CEP350: variants seen among roughly 807,000 people sequenced by gnomAD.
The protein encoded by CEP350 is centrosome-associated protein 350.
In CEP350, 126 loss-of-function variants were observed where a neutral mutation model predicts 331.8. That is an observed-to-expected ratio of 0.38 (90% CI 0.33 to 0.44). The LOEUF (loss-of-function observed/expected upper bound fraction) is 0.44, where lower values mean the gene tolerates loss of function less well. Ranked by LOEUF, CEP350 falls within the 20% of genes least tolerant of loss-of-function variation. The probability of loss-of-function intolerance (pLI) is 1.00; values close to 1 mark genes in which losing one functional copy is unlikely to be tolerated. For synonymous variants in CEP350, 1,200 were observed against 1,259.5 expected, an observed-to-expected ratio of 0.95 and a Z score of 1.00; for missense variants, 3,406 against 3,634.6, an observed-to-expected ratio of 0.94 and a Z score of 1.62.
chr1:180,072,655 T>C (rs1458744367), intron 27 of CEP350, among the ~76,000 whole-genome samples: 2 of 152,208 alleles, frequency 1.3e-5, no homozygotes, highest in African/African-American at 4.8e-5. Flanking sequence ...TTTGCGTGTG[T>C]GTATGTGTGT....
chr1:179,959,897 C>G (rs771325716), intron 1 of CEP350, among the ~76,000 whole-genome samples: 1 of 152,176 alleles, frequency 6.6e-6, no homozygotes, highest in Non-Finnish European at 1.5e-5. Context: ...TAGGCTAGAT[C>G]AGTGTTTCTT....
intron 23 of CEP350, among the ~76,000 whole-genome samples, chr1:180,053,495 A>G (rs1197266189): frequency 6.6e-6 from 1 of 152,190 alleles, no homozygotes. Context: ...CTTGGTTAAG[A>G]GGAACAAATT....
Position 180,053,108 on chromosome 1 carries a change from A to C in CEP350, c.4931A>C (p.His1644Pro). 1 of 1,608,880 alleles carries C rather than the reference A, an allele frequency of 6.2e-7. No homozygotes were observed. The change falls in exon 23 of 38, where the codon CAT becomes CCT. Residue 1644 changes from histidine to proline, a missense_variant. His to Pro is a moderately conservative substitution (Grantham distance 77). Transcript: ENST00000367607. The part of the protein sequence containing the change: ...RRFNMEKRRG[H>P]HDDSDEEASP... ...TTTAACATGGAAAAGAGAAGAGGTC[A>C]TCATGATGACTCTGATGAAGAAGCT... is the stretch of plus-strand genomic sequence containing the variant.
At chr1:180,015,258 C>T (rs149448885) in intron 10 of CEP350, among the ~76,000 whole-genome samples, 18,111 of 144,264 alleles carry the variant, frequency 0.13, 1,166 homozygotes, top group South Asian at 0.17. Flanking sequence ...TTATTTGAGA[C>T]GGAGTCTCCC....
At chr1:180,045,208 G>A (rs533000612) in intron 21 of CEP350, among the ~76,000 whole-genome samples, 2 of 152,236 alleles carry the variant, frequency 1.3e-5, no homozygotes, top group South Asian at 4.2e-4. Flanking sequence ...CATGCGTGGT[G>A]GCGTGTGCCC....
At chr1:180,004,931 C>CTTTCTTTCTT (rs1654151171) in intron 7 of CEP350, among the ~76,000 whole-genome samples, 1 of 92,472 alleles carries the variant, frequency 1.1e-5, no homozygotes, top group Non-Finnish European at 2.7e-5. Context: ...TTCTTTCTTT[C>CTTTCTTTCTT]TTTCTTTCTT....
In CEP350 at chr1:180,062,081, A is replaced by T. The variant is rs898930315; in HGVS notation, c.5263-139A>T. The T allele has an allele frequency of 6.8e-6, 5 of 729,992 alleles. No homozygotes were observed. The African/African-American group carries it at 9.2e-5, about 13-fold the overall frequency. The allele number at this position is 729,992 out of a possible 1,614,324, so 45.2% of individuals were successfully genotyped here. A position where few individuals can be genotyped will look rare whatever the true frequency, so the allele number is the denominator to read the frequency against. ...TTATTTCCTCCCTCACTATTTTTTAAACTTTTCAGTATTACTACTTTTATT... is the reference window on the plus strand; with the variant it reads ...TTATTTCCTCCCTCACTATTTTTTATACTTTTCAGTATTACTACTTTTATT... On this transcript the variant is annotated intron_variant, in intron 25 of 37. Coordinates refer to ENST00000367607, the MANE Select transcript of CEP350 (RefSeq NM_014810.5).
At chr1:180,041,361 A>T (rs1228988980) in intron 18 of CEP350, 113 bp downstream of exon 18, 4 of 774,494 alleles carry the variant, frequency 5.2e-6, no homozygotes, top group Non-Finnish European at 8.1e-6. Context: ...TAAATAATAA[A>T]GTTTTAGTAC....
chr1:180,033,680 A>G (rs1331160990), intron 15 of CEP350, among the ~76,000 whole-genome samples, 182 bp from the exon 16 acceptor site: 1 of 152,178 alleles, frequency 6.6e-6, no homozygotes, highest in Non-Finnish European at 1.5e-5. Context: ...AATTCTAGCA[A>G]TTAGAGGAAT....
chr1:180,055,998 T>G (rs1657815559), intron 25 of CEP350, among the ~76,000 whole-genome samples: 1 of 152,164 alleles, frequency 6.6e-6, no homozygotes, highest in South Asian at 2.1e-4. Flanking sequence ...AAAATAAGAT[T>G]TATAAATTTA....
intron 1 of CEP350, among the ~76,000 whole-genome samples, chr1:179,974,937 G>A (rs1651746143): frequency 6.6e-6 from 1 of 152,076 alleles, no homozygotes; most frequent in Non-Finnish European, 1.5e-5. Flanking sequence ...GCTACAGTGA[G>A]CCATGATTGC....
intron 32 of CEP350, among the ~76,000 whole-genome samples, chr1:180,089,557 T>C (rs1660050592): frequency 6.9e-6 from 1 of 144,814 alleles, no homozygotes; most frequent in African/African-American, 2.6e-5. Flanking sequence ...CACCCCAGCC[T>C]GGGCAACAGA....
chr1:180,070,478 A>G (rs116675675), intron 27 of CEP350, among the ~76,000 whole-genome samples: 4,822 of 152,226 alleles, frequency 0.032, 112 homozygotes, highest in Middle Eastern at 0.058. Flanking sequence ...TCCAACGGAG[A>G]AAGAGTCATA....
chr1:179,987,264 C>T lies in CEP350; in HGVS notation c.98C>T (p.Ala33Val). 2 of 1,566,562 alleles carry T rather than the reference C, an allele frequency of 1.3e-6. No homozygotes were observed. The highest frequency in any genetic ancestry group is 1.7e-6 in the Non-Finnish European group (2 of 1,143,260). ...GCAGATATAACCACATCGTGGGATG[C>T]ACTTTCTCAAACCAAGGCTGCTGTA... ...VQADITTSWD[A>V]LSQTKAALRH... Residue 33 changes from alanine (A) to valine (V), a missense_variant, in exon 3 of 38, where the codon GCA becomes GTA. By Grantham distance (64) the Ala-to-Val change is moderately conservative. Around this residue, in one of 5 missense-constraint regions of CEP350, gnomAD observed 1,857 missense variants for 1,909.2 expected, o/e 0.97. Coordinates refer to ENST00000367607, the MANE Select transcript of CEP350 (RefSeq NM_014810.5).
rs796279133 is a variant in CEP350 at position 179,998,309 on chromosome 1, T to C, written c.1018+1134T>C. On this transcript the variant is annotated intron_variant, in intron 6 of 37. Coordinates refer to ENST00000367607, the MANE Select transcript of CEP350 (RefSeq NM_014810.5). Reference sequence around the variant, plus strand: ...AATTTGTTTCTTCTATTTTCTTTTTTTTTTTTTTTTTTTTTTTAAGACAGA... The same window carrying C: ...AATTTGTTTCTTCTATTTTCTTTTTCTTTTTTTTTTTTTTTTTAAGACAGA... Among the ~76,000 whole-genome samples, 228 of 143,884 alleles carry C rather than the reference T, an allele frequency of 1.6e-3. 4 individuals are homozygous for C. Among genetic ancestry groups the C allele is most frequent in the Middle Eastern group, 3.6e-3 (1 of 280 alleles). The allele number at this position is 143,884 out of a possible 152,430, so 94.4% of individuals were successfully genotyped here. A position where few individuals can be genotyped will look rare whatever the true frequency, so the allele number is the denominator to read the frequency against.
chr1:180,004,267 T>C (rs1008928014), intron 7 of CEP350, among the ~76,000 whole-genome samples: 5 of 152,226 alleles, frequency 3.3e-5, no homozygotes, highest in African/African-American at 1.2e-4. Context: ...CAAAAGACTT[T>C]GATATTCTGC....
chr1:180,093,354 C>A lies in CEP350; in HGVS notation c.7249C>A (p.Gln2417Lys), dbSNP rs1660303264. 2.5e-6 allele frequency: 4 copies of A among 1,600,454 alleles called. No individual in the cohort carries two copies. The highest frequency in any genetic ancestry group is 3.4e-6 in the Non-Finnish European group (4 of 1,173,220). ...KDSQSCRDKPQPMRSSTSGAT... is the reference protein window; with the variant it reads ...KDSQSCRDKPKPMRSSTSGAT... ...CTCTCAGTCTTGCAGAGATAAGCCA[C>A]AGCCAATGAGGAGCTCTACAAGTGG... The change falls in exon 34 of 38, where the codon CAG becomes AAG. Residue 2417 changes from glutamine to lysine, a missense_variant. This residue lies in a region of CEP350 where 1,415 missense variants were observed against 1,512.3 expected (regional missense o/e 0.94). Transcript: ENST00000367607.
At chr1:179,968,021 C>G (rs777959267) in intron 1 of CEP350, among the ~76,000 whole-genome samples, 3 of 152,006 alleles carry the variant, frequency 2.0e-5, no homozygotes, top group Non-Finnish European at 4.4e-5. Context: ...ATATACTGTG[C>G]GTGAACTAGG....
chr1:180,075,277 A>T (rs2149062896), intron 28 of CEP350, 56 bp downstream of exon 28: 2 of 1,472,210 alleles, frequency 1.4e-6, no homozygotes, highest in South Asian at 2.6e-5. Flanking sequence ...TAATTGAAAG[A>T]TATATTTCAT....
Sources: gnomAD v4.1 joint callset for allele counts (sites outside exome capture counted in the v4.1 genomes callset) on GRCh38, gnomAD v4.1.1 for gene constraint, gnomAD v4.1.1 regional missense constraint, MANE v1.5 for transcripts, NCBI Gene and HGNC (gene_info 2026-07-23, HGNC 2026-07-21) for gene names.